The following DUSP13A variants were observed in gnomAD, a reference collection of about 807,000 sequenced individuals.
The protein encoded by DUSP13A is dual specificity phosphatase 13A, also known as dual specificity protein phosphatase 13A.
At chr10:75,108,355 C>A in the DUSP13A span, 1 of 1,404,140 alleles carries the variant, frequency 7.1e-7, no homozygotes, top group Non-Finnish European at 9.3e-7. Context: ...GGTCTGACTC[C>A]ACAGCCCTAT....
the DUSP13A span, among the ~76,000 whole-genome samples, chr10:75,106,598 C>A: frequency 6.6e-6 from 1 of 152,330 alleles, no homozygotes; most frequent in Non-Finnish European, 1.5e-5. Context: ...ATCCTCTGGG[C>A]TTAGCACCCC....
the DUSP13A span, chr10:75,108,067 G>C: frequency 6.2e-7 from 1 of 1,613,940 alleles, no homozygotes; most frequent in African/African-American, 1.3e-5. Flanking sequence ...AAATCAGGGA[G>C]GTCGTGGGCT....
At chr10:75,109,032 C>G in the DUSP13A span, 1 of 1,610,422 alleles carries the variant, frequency 6.2e-7, no homozygotes, top group Non-Finnish European at 8.5e-7. Context: ...AAAGGTTGGG[C>G]CAAACTTCGT....
chr10:75,108,798 C>G, the DUSP13A span, among the ~76,000 whole-genome samples: 6 of 152,176 alleles, frequency 3.9e-5, no homozygotes, highest in African/African-American at 1.4e-4. Context: ...TCCCTGCTTT[C>G]AGGCAGGCGA....
the DUSP13A span, among the ~76,000 whole-genome samples, chr10:75,108,807 G>A: frequency 2.2e-4 from 34 of 152,162 alleles, no homozygotes; most frequent in South Asian, 4.1e-4. Context: ...TCAGGCAGGC[G>A]AAGTCCCTGC....
chr10:75,108,119 G>T, the DUSP13A span: 11 of 1,613,664 alleles, frequency 6.8e-6, no homozygotes, highest in South Asian at 6.6e-5. Context: ...AGAAGTCAGG[G>T]CCGCCCTGAC....
the DUSP13A span, chr10:75,108,418 G>A: frequency 1.2e-6 from 1 of 863,288 alleles, no homozygotes; most frequent in Non-Finnish European, 1.7e-6. Flanking sequence ...TGTGTCGGGG[G>A]ATCTTTAGAC....
the DUSP13A span, among the ~76,000 whole-genome samples, chr10:75,106,414 CT>C: frequency 4.6e-5 from 7 of 152,140 alleles, no homozygotes; most frequent in African/African-American, 1.7e-4. Flanking sequence ...ATTGTTTCCC[CT>C]GGTCTCGGTC....
the DUSP13A span, chr10:75,105,713 G>A: frequency 3.2e-6 from 5 of 1,553,132 alleles, no homozygotes; most frequent in Non-Finnish European, 4.4e-6. Flanking sequence ...AGCCTGCAGA[G>A]CTGGTGCAGG....
At chr10:75,106,096 CTT>C in the DUSP13A span, among the ~76,000 whole-genome samples, 1 of 109,026 alleles carries the variant, frequency 9.2e-6, no homozygotes, top group Non-Finnish European at 1.8e-5. Context: ...TCTTTTCTTT[CTT>C]TTCTTTTTTT....
chr10:75,108,988 C>T, the DUSP13A span: 2 of 1,588,888 alleles, frequency 1.3e-6, no homozygotes, highest in Non-Finnish European at 1.7e-6. Context: ...CCCCCATGCC[C>T]CTTGGCCAGC....
At chr10:75,109,071 C>A in the DUSP13A span, 1 of 1,612,498 alleles carries the variant, frequency 6.2e-7, no homozygotes, top group South Asian at 1.1e-5. Flanking sequence ...ACTTCCCTGC[C>A]CGCAGGAGCT....
chr10:75,108,401 C>G, the DUSP13A span: 3 of 1,036,430 alleles, frequency 2.9e-6, no homozygotes, highest in Non-Finnish European at 4.0e-6. Flanking sequence ...GCTGAGCCGG[C>G]GGTGTGTGTG....
chr10:75,105,744 C>G, the DUSP13A span: 14 of 1,554,300 alleles, frequency 9.0e-6, no homozygotes, highest in Non-Finnish European at 1.1e-5. Flanking sequence ...TGGGGAAGAC[C>G]CATCGGTGCT....
At chr10:75,109,042 TCCACACGGCTGCAAGAAGACTTCCCTG>T in the DUSP13A span, 1 of 1,611,660 alleles carries the variant, frequency 6.2e-7, no homozygotes, top group Middle Eastern at 1.7e-4. Context: ...CCAAACTTCG[TCCACACGGCTGCAAGAAGACTTCCCTG>T]CCCGCAGGAG....
chr10:75,109,057 GAA>G, the DUSP13A span: 1 of 1,612,144 alleles, frequency 6.2e-7, no homozygotes, highest in Non-Finnish European at 8.5e-7. Context: ...ACGGCTGCAA[GAA>G]GACTTCCCTG....
chr10:75,108,989 C>A, the DUSP13A span: 1 of 1,589,482 alleles, frequency 6.3e-7, no homozygotes, highest in Non-Finnish European at 8.6e-7. Context: ...CCCCATGCCC[C>A]TTGGCCAGCT....
the DUSP13A span, chr10:75,105,930 T>G: frequency 1.3e-6 from 2 of 1,490,768 alleles, no homozygotes; most frequent in Admixed American, 4.0e-5. Context: ...CGGGCTGGGA[T>G]GGGGACCCAA....
chr10:75,106,101 CTT>C, the DUSP13A span, among the ~76,000 whole-genome samples: 80 of 123,016 alleles, frequency 6.5e-4, no homozygotes, highest in African/African-American at 1.2e-3. Context: ...TCTTTCTTTT[CTT>C]TTTTTTTTTT....
Sources: allele counts gnomAD v4.1 joint callset (sites outside exome capture counted in the v4.1 genomes callset), GRCh38; gene constraint gnomAD v4.1.1; transcripts MANE v1.5; gene names NCBI Gene and HGNC (gene_info 2026-07-23, HGNC 2026-07-21).